Variants in TEKT5 observed in about 807,000 individuals in gnomAD.
The protein encoded by TEKT5 is tektin-5.
Under a neutral mutation model 48.7 loss-of-function variants are expected in TEKT5, and 52 were observed. The ratio of observed to expected loss-of-function variants is 1.07; its 90% CI spans 0.86 to 1.35. The LOEUF (loss-of-function observed/expected upper bound fraction) is 1.35. TEKT5 is among the 40% of genes most tolerant of loss of function. The pLI is 0.00. For missense variants in TEKT5, 831 were observed against 641.6 expected (o/e 1.30, Z -3.19); for synonymous variants, 318 against 267.6 (o/e 1.19, Z -1.84).
chr16:10,694,222 C>G, intron 1 of TEKT5, 88 bp downstream of exon 1: 1 of 1,379,624 alleles, frequency 7.2e-7, no homozygotes, highest in East Asian at 2.3e-5. Context: ...AAGGTGCCTG[C>G]CACCTTCATC....
At chr16:10,655,851 A>C (rs1409454356) in intron 5 of TEKT5, among the ~76,000 whole-genome samples, 1 of 152,214 alleles carries the variant, frequency 6.6e-6, no homozygotes, top group Non-Finnish European at 1.5e-5. Flanking sequence ...ATCTGATGAT[A>C]CCATGAAGCC....
At chr16:10,647,205 G>C (rs1357058195) in intron 5 of TEKT5, among the ~76,000 whole-genome samples, 1 of 151,972 alleles carries the variant, frequency 6.6e-6, no homozygotes, top group Non-Finnish European at 1.5e-5. Flanking sequence ...CGCGGTGGCT[G>C]ACAACTGTGG....
intron 4 of TEKT5, among the ~76,000 whole-genome samples, chr16:10,676,548 G>C (rs1489595962): frequency 6.6e-6 from 1 of 152,142 alleles, no homozygotes; most frequent in Non-Finnish European, 1.5e-5. Context: ...GTGGGTCAAA[G>C]AGAGGGGCTC....
Position 10,685,126 on chromosome 16 carries a change from C to T in TEKT5, c.720-2990G>A, listed in dbSNP as rs542607520. Among the ~76,000 whole-genome samples the T allele has an allele frequency of 4.6e-5, 7 of 152,364 alleles. 1 individual carries two copies. The South Asian group carries it at 1.5e-3, about 32-fold the overall frequency. On this transcript the variant is annotated intron_variant, in intron 3 of 6. Transcript: ENST00000283025. Reference sequence around the variant, plus strand: ...CAGCCACTGCCCAGCGACAAACAGCCTCCATCCGGCGTGGCTCGGCCTCCA... The same window carrying T: ...CAGCCACTGCCCAGCGACAAACAGCTTCCATCCGGCGTGGCTCGGCCTCCA...
At chr16:10,690,789 G>T in intron 1 of TEKT5, 2 of 985,368 alleles carry the variant, frequency 2.0e-6, no homozygotes, top group South Asian at 9.4e-5. Flanking sequence ...AAACAGCAGT[G>T]ATTAGCAAAC....
rs540117557 is a variant in TEKT5 at position 10,677,384 on chromosome 16, C to T, written c.864-1203G>A. Among the ~76,000 whole-genome samples the T allele has an allele frequency of 2.0e-4, 29 of 147,030 alleles. 1 individual carries two copies. The highest frequency in any genetic ancestry group is 1.3e-3 in the South Asian group (6 of 4,552). On this transcript the variant is annotated intron_variant, in intron 4 of 6. Coordinates refer to ENST00000283025, the MANE Select transcript of TEKT5 (RefSeq NM_144674.2). The stretch of plus-strand genomic sequence containing the variant: ...CAGCACTTTGGGAGCCCGAGGCGGG[C>T]GGATCACTTGAGGCCAGGAATTTGA...
intron 5 of TEKT5, among the ~76,000 whole-genome samples, chr16:10,661,351 G>A (rs1257313212): frequency 6.6e-6 from 1 of 152,138 alleles, no homozygotes; most frequent in East Asian, 1.9e-4. Flanking sequence ...CTCCAAGTGT[G>A]GTCCCTGGAC....
intron 5 of TEKT5, among the ~76,000 whole-genome samples, chr16:10,643,964 C>A (rs1596403120): frequency 6.6e-6 from 1 of 152,166 alleles, no homozygotes; most frequent in African/African-American, 2.4e-5. Context: ...ATTGCTTGAA[C>A]CCGGGAGGAG....
chr16:10,682,229 T>G, intron 3 of TEKT5, 93 bp from the exon 4 acceptor site: 1 of 1,467,418 alleles, frequency 6.8e-7, no homozygotes, highest in Non-Finnish European at 9.2e-7. Context: ...AGCCCTGGAC[T>G]CCCAGAAAGC....
chr16:10,654,587 G>C (rs962055668), intron 5 of TEKT5, among the ~76,000 whole-genome samples: 6 of 152,252 alleles, frequency 3.9e-5, no homozygotes, highest in African/African-American at 1.4e-4. Flanking sequence ...GGGTGAATTC[G>C]CTCTCTCTGC....
intron 6 of TEKT5, 104 bp downstream of exon 6, chr16:10,635,660 G>T (rs1346941358): frequency 4.0e-6 from 6 of 1,495,472 alleles, no homozygotes; most frequent in Non-Finnish European, 4.5e-6. Context: ...TTGAAGGAGG[G>T]TCCATTTTTC....
At chr16:10,634,553 C>A (rs1897886608) in intron 6 of TEKT5, among the ~76,000 whole-genome samples, 1 of 152,164 alleles carries the variant, frequency 6.6e-6, no homozygotes, top group African/African-American at 2.4e-5. Flanking sequence ...CCAAGGATGA[C>A]CCTCAATGAT....
intron 6 of TEKT5, among the ~76,000 whole-genome samples, chr16:10,632,190 T>G (rs1431532758): frequency 6.6e-6 from 1 of 152,232 alleles, no homozygotes; most frequent in African/African-American, 2.4e-5. Context: ...CTGTGCTATG[T>G]TGTCTGATAT....
intron 4 of TEKT5, 136 bp downstream of exon 4, chr16:10,681,857 C>T: frequency 8.2e-7 from 1 of 1,220,426 alleles, no homozygotes; most frequent in Non-Finnish European, 1.2e-6. Context: ...GCCGCCTGCG[C>T]TAGAGGATCC....
intron 5 of TEKT5, among the ~76,000 whole-genome samples, chr16:10,664,813 A>G (rs1324951450): frequency 6.6e-6 from 1 of 152,220 alleles, no homozygotes; most frequent in Non-Finnish European, 1.5e-5. Context: ...TTACTTTGTC[A>G]TCCCTCCCAC....
At chr16:10,659,811 G>C (rs1260794275) in intron 5 of TEKT5, among the ~76,000 whole-genome samples, 1 of 152,222 alleles carries the variant, frequency 6.6e-6, no homozygotes, top group Non-Finnish European at 1.5e-5. Flanking sequence ...GGGAAAGTTT[G>C]GGGAGGATAG....
intron 5 of TEKT5, among the ~76,000 whole-genome samples, chr16:10,650,713 G>A (rs895981347): frequency 4.6e-5 from 7 of 151,794 alleles, no homozygotes; most frequent in African/African-American, 9.7e-5. Context: ...GTGACACCCC[G>A]TCTCTACTAA....
intron 5 of TEKT5, among the ~76,000 whole-genome samples, chr16:10,645,559 T>C (rs965784251): frequency 3.3e-5 from 5 of 152,068 alleles, no homozygotes; most frequent in African/African-American, 1.2e-4. Flanking sequence ...TCCCAGCACT[T>C]TGGGAGGCCA....
At position 10,628,419 on chromosome 16, in the gene TEKT5, G is replaced by A. The variant is rs117009158; in HGVS notation, c.1242-620C>T. Among the ~76,000 whole-genome samples the A allele has an allele frequency of 8.3e-3, 1,268 of 152,268 alleles. 17 individuals carry two copies. The highest frequency in any genetic ancestry group is 0.018 in the South Asian group (86 of 4,820). ...ACTTACCACACAGTCCAGCAGTTCC[G>A]CTCCCGGGTATATACCCAAAAGAAC... On this transcript the variant is annotated intron_variant, in intron 6 of 6. Transcript: ENST00000283025.
Sources: gnomAD v4.1 joint callset for allele counts (sites outside exome capture counted in the v4.1 genomes callset) on GRCh38, gnomAD v4.1.1 for gene constraint, MANE v1.5 for transcripts, NCBI Gene and HGNC (gene_info 2026-07-23, HGNC 2026-07-21) for gene names.